The following OTOGL variants were observed in gnomAD, a reference collection of about 807,000 sequenced individuals.
The protein encoded by OTOGL is otogelin like, also known as otogelin-like protein.
In OTOGL, 285 loss-of-function variants were observed where a neutral mutation model predicts 318.5. That is an observed-to-expected ratio of 0.89 (90% CI 0.81 to 0.99). The LOEUF is 0.99. Ranked by LOEUF, OTOGL falls within the 50% of genes least tolerant of loss-of-function variation. OTOGL has a pLI of 0.00. For synonymous variants in OTOGL, 987 were observed against 936.5 expected, an observed-to-expected ratio of 1.05 and a Z score of -0.99; for missense variants, 2,899 against 2,845.6, an observed-to-expected ratio of 1.02 and a Z score of -0.43.
intron 29 of OTOGL, among the ~76,000 whole-genome samples, chr12:80,308,085 C>T (rs1213838094): frequency 2.9e-5 from 4 of 137,938 alleles, no homozygotes; most frequent in East Asian, 2.2e-4. Context: ...GGCGGCTGGC[C>T]GGGTGGGGGG....
rs1565920631 is a variant in OTOGL, at chr12:80,239,364, A to G, written c.977A>G (p.Gln326Arg). The G allele has an allele frequency of 1.9e-6, 3 of 1,610,512 alleles. No individual in the cohort carries two copies. The highest frequency in any genetic ancestry group is 8.5e-7 in the Non-Finnish European group (1 of 1,178,312). The change falls in exon 11 of 59, where the codon CAG becomes CGG. Residue 326 changes from glutamine to arginine, a missense_variant. Transcript: ENST00000547103. ...AIFFKCQILL[Q>R]FPFLSCHEYI... is the part of the protein sequence containing the mutation. ...TTCTTCAAGTGTCAGATACTGTTGC[A>G]GTTTCCTTTTCTGAGCTGCCATGAG...
At chr12:80,342,608 G>A (rs573937234) in intron 44 of OTOGL, among the ~76,000 whole-genome samples, 56 of 152,140 alleles carry the variant, frequency 3.7e-4, no homozygotes, top group African/African-American at 1.3e-3. Context: ...GTGATTAGTA[G>A]GCATTTTAAA....
chr12:80,149,842 C>A (rs1483653202), intron 1 of OTOGL, among the ~76,000 whole-genome samples: 1 of 152,000 alleles, frequency 6.6e-6, no homozygotes, highest in Non-Finnish European at 1.5e-5. Flanking sequence ...CAGGTGCCGG[C>A]TGACTAGGAA....
chr12:80,363,085 A>G (rs1890329789), intron 52 of OTOGL, among the ~76,000 whole-genome samples: 2 of 152,172 alleles, frequency 1.3e-5, no homozygotes, highest in South Asian at 2.1e-4. Flanking sequence ...CCAAAGTGCT[A>G]GCATTAGAGG....
chr12:80,236,692 C>G (rs1398954150), intron 9 of OTOGL, among the ~76,000 whole-genome samples: 1 of 152,042 alleles, frequency 6.6e-6, no homozygotes, highest in East Asian at 1.9e-4. Flanking sequence ...TACAGCAGGC[C>G]CATACTTTCC....
chr12:80,204,222 G>A (rs765672673), intron 1 of OTOGL, among the ~76,000 whole-genome samples: 9 of 152,118 alleles, frequency 5.9e-5, no homozygotes, highest in Non-Finnish European at 1.2e-4. Flanking sequence ...ATACTGATTT[G>A]TGCTGTGTTG....
intron 37 of OTOGL, among the ~76,000 whole-genome samples, chr12:80,331,108 C>T (rs548710984): frequency 6.6e-6 from 1 of 152,156 alleles, no homozygotes; most frequent in East Asian, 1.9e-4. Flanking sequence ...GATAAGTTAA[C>T]CCTAAATTCA....
At position 80,251,754 on chromosome 12, in the gene OTOGL, G is replaced by A. The variant is rs754289327; in HGVS notation, c.1114G>A (p.Ala372Thr). 1 of 1,592,898 alleles carries A rather than the reference G, an allele frequency of 6.3e-7. No homozygotes were observed. The highest frequency in any genetic ancestry group is 1.1e-5 in the South Asian group (1 of 87,194). ...ATEYARACSH[A>T]GYPIQDWRDD... ...TGAGTATGCTAGAGCCTGCTCTCAT[G>A]CTGGCTACCCTATTCAAGACTGGAG... Residue 372 changes from alanine to threonine, a missense_variant, in exon 12 of 59, where the codon GCT (alanine) becomes ACT (threonine). By Grantham distance (58) the Ala-to-Thr change is moderately conservative. Coordinates refer to ENST00000547103, the MANE Select transcript of OTOGL (RefSeq NM_001378609.3).
chr12:80,300,800 C>T (rs1301064098), intron 27 of OTOGL, among the ~76,000 whole-genome samples: 3 of 152,066 alleles, frequency 2.0e-5, no homozygotes, highest in South Asian at 2.1e-4. Flanking sequence ...GAACACCAAG[C>T]GCACAGGACT....
At chr12:80,295,313 A>G (rs1885316475) in intron 26 of OTOGL, among the ~76,000 whole-genome samples, 1 of 151,858 alleles carries the variant, frequency 6.6e-6, no homozygotes, top group African/African-American at 2.4e-5. Flanking sequence ...AGTAGCTGGG[A>G]CTACAGGTGC....
intron 1 of OTOGL, chr12:80,132,587 C>G (rs2137122976): frequency 6.6e-6 from 1 of 152,290 alleles, no homozygotes; most frequent in South Asian, 2.1e-4. Context: ...ATTACCTTCT[C>G]TTTCATCTCT....
intron 47 of OTOGL, 123 bp downstream of exon 47, chr12:80,356,071 A>G: frequency 1.8e-6 from 2 of 1,125,976 alleles, no homozygotes; most frequent in East Asian, 4.7e-5. Flanking sequence ...TCATTTTCTC[A>G]AAGCAAGTTT....
intron 27 of OTOGL, among the ~76,000 whole-genome samples, chr12:80,298,062 A>T (rs1033583280): frequency 6.6e-6 from 1 of 152,214 alleles, no homozygotes; most frequent in African/African-American, 2.4e-5. Context: ...TCATTCATTC[A>T]TCTCATACTT....
At chr12:80,150,188 C>A (rs1159223153) in intron 1 of OTOGL, among the ~76,000 whole-genome samples, 1 of 152,198 alleles carries the variant, frequency 6.6e-6, no homozygotes, top group Non-Finnish European at 1.5e-5. Context: ...GTCCTGTTCC[C>A]TGGAAATCTC....
chr12:80,242,985 T>C (rs1880511445), intron 11 of OTOGL, among the ~76,000 whole-genome samples: 1 of 152,146 alleles, frequency 6.6e-6, no homozygotes, highest in South Asian at 2.1e-4. Flanking sequence ...GAAATGATTT[T>C]AATTTTGCGA....
intron 55 of OTOGL, 82 bp downstream of exon 55, chr12:80,368,391 C>A (rs916383061): frequency 5.7e-6 from 5 of 875,614 alleles, no homozygotes; most frequent in African/African-American, 3.3e-5. Flanking sequence ...TGTCCCCCCC[C>A]ACACACACTG....
At chr12:80,198,345 G>C (rs1876224308) in intron 1 of OTOGL, among the ~76,000 whole-genome samples, 1 of 152,068 alleles carries the variant, frequency 6.6e-6, no homozygotes, top group Non-Finnish European at 1.5e-5. Flanking sequence ...CCCAGCATTT[G>C]GGGGGCCGAG....
chr12:80,329,699 A>C (rs1439101022), intron 37 of OTOGL, among the ~76,000 whole-genome samples: 1 of 152,212 alleles, frequency 6.6e-6, no homozygotes, highest in Admixed American at 6.5e-5. Flanking sequence ...ACTCACAGTG[A>C]GGCTCAACAA....
In OTOGL at chr12:80,328,695, A is replaced by T. The variant is rs1465202208; in HGVS notation, c.4230A>T (p.Lys1410Asn). The change falls in exon 36 of 59, where the codon AAA (lysine) becomes AAT (asparagine). Residue 1410 changes from lysine (K) to asparagine (N), a missense_variant. By Grantham distance (94) the Lys-to-Asn change is moderately conservative. Transcript: ENST00000547103. Reference protein sequence around the residue: ...PVEGCLPYCPKNMILDEVTLK... With the variant: ...PVEGCLPYCPNNMILDEVTLK... Reference sequence around the variant, plus strand: ...AAGGATGCTTGCCCTACTGCCCTAAAAATATGATCCTTGATGAGGTCACCC... The same window carrying T: ...AAGGATGCTTGCCCTACTGCCCTAATAATATGATCCTTGATGAGGTCACCC... 1 of 1,607,120 alleles carries T rather than the reference A, an allele frequency of 6.2e-7. No homozygotes were observed. Among genetic ancestry groups the T allele is most frequent in the East Asian group, 2.2e-5 (1 of 44,848 alleles).
Sources: allele counts gnomAD v4.1 joint callset (sites outside exome capture counted in the v4.1 genomes callset), GRCh38; gene constraint gnomAD v4.1.1; transcripts MANE v1.5; gene names NCBI Gene and HGNC (gene_info 2026-07-23, HGNC 2026-07-21).